The following MTMR7 variants were observed in gnomAD, a reference collection of about 807,000 sequenced individuals.
MTMR7 encodes the protein phosphatidylinositol-3-phosphate phosphatase MTMR7.
Under a neutral mutation model 81.2 loss-of-function variants are expected in MTMR7, and 76 were observed. The ratio of observed to expected loss-of-function variants is 0.94; its 90% CI spans 0.78 to 1.13. The LOEUF is 1.13. MTMR7 is among the 50% of genes most tolerant of loss of function. MTMR7 has a pLI of 0.00. For missense variants in MTMR7, 1,044 were observed against 820.0 expected, an observed-to-expected ratio of 1.27 and a Z score of -3.34; for synonymous variants, 372 against 289.8, an observed-to-expected ratio of 1.28 and a Z score of -2.88.
At chr8:17,404,397 G>C (rs543617725) in intron 1 of MTMR7, among the ~76,000 whole-genome samples, 2 of 152,090 alleles carry the variant, frequency 1.3e-5, no homozygotes, top group East Asian at 1.9e-4. Flanking sequence ...TTGGGACATA[G>C]TGAAATTGAG....
chr8:17,331,254 C>T lies in MTMR7; in HGVS notation c.761G>A (p.Gly254Glu). 1 of 1,609,768 alleles carries T rather than the reference C, an allele frequency of 6.2e-7. No individual in the cohort carries two copies. Among genetic ancestry groups the T allele is most frequent in the South Asian group, 1.1e-5 (1 of 90,162 alleles). The change falls in exon 7 of 14, where the codon GGG becomes GAG. Residue 254 changes from glycine (G) to glutamate (E), a missense_variant. Gly to Glu is a moderately conservative substitution (Grantham distance 98). Coordinates refer to ENST00000180173, the MANE Select transcript of MTMR7 (RefSeq NM_004686.5). Reference sequence around the variant, plus strand: ...ATTGTCTTCATTCTCATAGCCTTTCCCTGCAGCACGATTTGCCATTGCATT... The same window carrying T: ...ATTGTCTTCATTCTCATAGCCTTTCTCTGCAGCACGATTTGCCATTGCATT... Reference protein sequence around the residue: ...KLNAMANRAAGKGYENEDNYS... With the variant: ...KLNAMANRAAEKGYENEDNYS...
rs77379268 is a variant in MTMR7, at chr8:17,357,268, T to C, written c.468+3849A>G. Among the ~76,000 whole-genome samples the C allele has an allele frequency of 9.2e-5, 14 of 152,368 alleles. No homozygotes were observed. In the East Asian group the frequency reaches 2.1e-3, roughly 23 times the overall value. On this transcript the variant is annotated intron_variant, in intron 4 of 13. Coordinates refer to ENST00000180173, the MANE Select transcript of MTMR7 (RefSeq NM_004686.5). ...TAAAGTAGAAATAATAATACTACTATACACAGAACTAATATTTGCTAACAT... is the reference window on the plus strand; with the variant it reads ...TAAAGTAGAAATAATAATACTACTACACACAGAACTAATATTTGCTAACAT...
intron 8 of MTMR7, among the ~76,000 whole-genome samples, chr8:17,312,763 A>G (rs1399094704): frequency 1.3e-5 from 2 of 152,150 alleles, no homozygotes; most frequent in African/African-American, 4.8e-5. Context: ...GGCATCAGGG[A>G]AGATATGGTT....
At chr8:17,350,898 C>G (rs116618292) in intron 4 of MTMR7, among the ~76,000 whole-genome samples, 1 of 152,164 alleles carries the variant, frequency 6.6e-6, no homozygotes, top group Non-Finnish European at 1.5e-5. Context: ...TTTAACATGG[C>G]CTGTGGCACT....
intron 1 of MTMR7, among the ~76,000 whole-genome samples, chr8:17,381,544 G>A (rs1357478352): frequency 6.6e-6 from 1 of 152,172 alleles, no homozygotes; most frequent in Non-Finnish European, 1.5e-5. Context: ...TTGCTCCGTA[G>A]GATGAGGAAT....
At chr8:17,361,894 C>T (rs956459444) in intron 3 of MTMR7, among the ~76,000 whole-genome samples, 2 of 152,132 alleles carry the variant, frequency 1.3e-5, no homozygotes, top group Non-Finnish European at 2.9e-5. Context: ...GCGCTGTGCT[C>T]GTGGGATGCG....
intron 3 of MTMR7, among the ~76,000 whole-genome samples, chr8:17,363,946 T>A (rs1585092450): frequency 6.6e-6 from 1 of 150,962 alleles, no homozygotes; most frequent in African/African-American, 2.4e-5. Context: ...TTTTTTTTTT[T>A]TGCTTACAGA....
At chr8:17,351,269 A>T (rs367955107) in intron 4 of MTMR7, among the ~76,000 whole-genome samples, 54 of 152,350 alleles carry the variant, frequency 3.5e-4, no homozygotes, top group African/African-American at 1.3e-3. Flanking sequence ...ATTTGTCAAC[A>T]TGCTTATTTC....
At chr8:17,392,474 T>TAACC (rs1158233095) in intron 1 of MTMR7, among the ~76,000 whole-genome samples, 2 of 152,226 alleles carry the variant, frequency 1.3e-5, no homozygotes, top group Non-Finnish European at 2.9e-5. Context: ...AGCACAAATG[T>TAACC]AACCCTCTTA....
chr8:17,300,237 T>G lies in MTMR7; in HGVS notation c.1621-13A>C, dbSNP rs369841895. On this transcript the variant is annotated splice_polypyrimidine_tract_variant and intron_variant, in intron 13 of 13. Coordinates refer to ENST00000180173, the MANE Select transcript of MTMR7 (RefSeq NM_004686.5). ...TTTTTTCCAGCCTCTAAGAAAGAAA[T>G]AACAATTTCAGGGGAAAAATCATAA... 103 of 1,589,450 alleles carry G rather than the reference T, an allele frequency of 6.5e-5. No individual in the cohort carries two copies. The highest frequency in any genetic ancestry group is 8.0e-5 in the South Asian group (7 of 87,908).
chr8:17,351,313 C>A (rs1362441686), intron 4 of MTMR7, among the ~76,000 whole-genome samples: 1 of 152,170 alleles, frequency 6.6e-6, no homozygotes, highest in African/African-American at 2.4e-5. Context: ...AGATAAGCTC[C>A]TGCTAGGCCC....
chr8:17,316,293 A>G (rs1203295582), intron 7 of MTMR7, among the ~76,000 whole-genome samples: 1 of 151,934 alleles, frequency 6.6e-6, no homozygotes, highest in Non-Finnish European at 1.5e-5. Context: ...ATTTACATAT[A>G]TATTATAGTC....
intron 3 of MTMR7, among the ~76,000 whole-genome samples, chr8:17,366,718 C>G (rs1443568562): frequency 6.6e-6 from 1 of 151,884 alleles, no homozygotes; most frequent in Non-Finnish European, 1.5e-5. Context: ...AACCCTGTCT[C>G]TACTAAAAAT....
Position 17,311,606 on chromosome 8 carries a change from C to T in MTMR7, c.1006G>A (p.Val336Ile), listed in dbSNP as rs1165993688. The change falls in exon 9 of 14, where the codon GTT (valine) becomes ATT (isoleucine). Residue 336 changes from valine to isoleucine, a missense_variant. Val to Ile is a conservative substitution (Grantham distance 29). Transcript: ENST00000180173. ...CTGTCCCAGCCATCAGAACAGTGAA[C>T]AAGCACACTTGCCCCTTCCTCTGAC... ...AVSEEGASVL[V>I]HCSDGWDRTA... 3.1e-6 allele frequency: 5 copies of T among 1,614,140 alleles called. No individual in the cohort carries two copies. Among genetic ancestry groups the T allele is most frequent in the Non-Finnish European group, 4.2e-6 (5 of 1,180,028 alleles).
chr8:17,316,122 A>G (rs1338935708), intron 7 of MTMR7, among the ~76,000 whole-genome samples: 1 of 152,178 alleles, frequency 6.6e-6, no homozygotes, highest in Non-Finnish European at 1.5e-5. Context: ...CACTACTTAC[A>G]TACTAGCTAT....
intron 4 of MTMR7, among the ~76,000 whole-genome samples, chr8:17,360,105 G>C (rs753982063): frequency 2.0e-5 from 3 of 152,194 alleles, no homozygotes; most frequent in Non-Finnish European, 4.4e-5. Flanking sequence ...ATACTATGCA[G>C]TGTTTTACAA....
chr8:17,347,345 A>T (rs991238618), intron 5 of MTMR7, among the ~76,000 whole-genome samples: 2 of 152,322 alleles, frequency 1.3e-5, no homozygotes, highest in Admixed American at 1.3e-4. Flanking sequence ...ACTAAAAATA[A>T]TTTTTATCCA....
rs563610730 is a variant in MTMR7 at position 17,408,208 on chromosome 8, G to C, written c.24+5061C>G. On this transcript the variant is annotated intron_variant, in intron 1 of 13. Transcript: ENST00000180173. ...GATCGAGACCATCCCGGCTAAAACG[G>C]TGAAACCCCGTCTCTACTAAAAATA... is the stretch of plus-strand genomic sequence containing the variant. 2.6e-4 allele frequency among the ~76,000 whole-genome samples: 19 copies of C among 74,296 alleles called. 3 individuals are homozygous for C. Among genetic ancestry groups the C allele is most frequent in the Middle Eastern group, 8.1e-3 (1 of 124 alleles). 48.7% of individuals were successfully genotyped at this position (74,296 alleles called of 152,430 possible). A position where few individuals can be genotyped will look rare whatever the true frequency, so the allele number is the denominator to read the frequency against.
At chr8:17,316,880 G>C (rs1422721324) in intron 7 of MTMR7, among the ~76,000 whole-genome samples, 1 of 151,958 alleles carries the variant, frequency 6.6e-6, no homozygotes, top group Non-Finnish European at 1.5e-5. Context: ...TGGGGGTGCT[G>C]GAAACAATTC....
Sources: allele counts gnomAD v4.1 joint callset (sites outside exome capture counted in the v4.1 genomes callset), GRCh38; gene constraint gnomAD v4.1.1; transcripts MANE v1.5; gene names NCBI Gene and HGNC (gene_info 2026-07-23, HGNC 2026-07-21).